KCNK2: variants seen among roughly 807,000 people sequenced by gnomAD.
KCNK2 encodes the protein potassium two pore domain channel subfamily K member 2, also known as potassium channel subfamily K member 2.
Under a neutral mutation model 40.5 loss-of-function variants are expected in KCNK2, and 21 were observed. That is an observed-to-expected ratio of 0.52 (90% CI 0.37 to 0.75). KCNK2 has a LOEUF of 0.75. KCNK2 is among the 30% of genes least tolerant of loss of function. KCNK2 has a pLI of 0.00. For synonymous variants in KCNK2, 191 were observed against 202.2 expected (o/e 0.94, Z 0.47); for missense variants, 399 against 531.6 (o/e 0.75, Z 2.45).
intron 1 of KCNK2, among the ~76,000 whole-genome samples, chr1:215,023,573 G>A (rs1298924386): frequency 1.3e-5 from 2 of 152,298 alleles, no homozygotes; most frequent in East Asian, 3.9e-4. Flanking sequence ...TAGTCAGTGA[G>A]CCCGACCATG....
intron 3 of KCNK2, among the ~76,000 whole-genome samples, chr1:215,168,285 AGACAGT>A (rs745316687): frequency 2.2e-4 from 34 of 152,346 alleles, no homozygotes; most frequent in Non-Finnish European, 3.5e-4. Flanking sequence ...CCTTTGTGGA[AGACAGT>A]GTGGTGATTC....
intron 3 of KCNK2, among the ~76,000 whole-genome samples, chr1:215,130,842 G>GT (rs201391246): frequency 3.7e-4 from 55 of 150,486 alleles, no homozygotes; most frequent in African/African-American, 8.2e-4. Flanking sequence ...TAATTTTTAA[G>GT]TTTTTTTTAT....
At chr1:215,175,534 C>T (rs938987427) in intron 5 of KCNK2, among the ~76,000 whole-genome samples, 2 of 151,504 alleles carry the variant, frequency 1.3e-5, no homozygotes, top group African/African-American at 4.9e-5. Flanking sequence ...GGTGTATGTG[C>T]AGGTTTGTTA....
chr1:215,223,976 G>T (rs545383453), intron 6 of KCNK2, among the ~76,000 whole-genome samples: 6 of 152,268 alleles, frequency 3.9e-5, no homozygotes, highest in African/African-American at 1.4e-4. Flanking sequence ...GCTTTGGATG[G>T]CTCTGAAAGT....
intron 6 of KCNK2, among the ~76,000 whole-genome samples, chr1:215,206,080 T>C (rs1054675067): frequency 1.3e-5 from 2 of 152,162 alleles, no homozygotes; most frequent in Non-Finnish European, 2.9e-5. Context: ...AAACCCTTCA[T>C]GGGCTGTAAA....
At chr1:215,069,647 C>G (rs1658679117) in intron 1 of KCNK2, among the ~76,000 whole-genome samples, 1 of 149,948 alleles carries the variant, frequency 6.7e-6, no homozygotes, top group South Asian at 2.1e-4. Flanking sequence ...TTTTTGGGGT[C>G]TCATTAACAA....
At position 215,235,338 on chromosome 1, in the gene KCNK2, T is replaced by G. The variant is rs1218578328; in HGVS notation, c.*193T>G. ...AGCACTTTCTTTCTGATGATGCTTG[T>G]TGAACGGTCCACTTTCTTTGATGAG... On this transcript the variant is annotated 3_prime_UTR_variant, in exon 7 of 7. Coordinates refer to ENST00000444842, the MANE Select transcript of KCNK2 (RefSeq NM_001017425.3). 1.9e-6 allele frequency: 1 copy of G among 536,956 alleles called. No individual in the cohort carries two copies. Among genetic ancestry groups the G allele is most frequent in the Non-Finnish European group, 3.3e-6 (1 of 302,954 alleles). The allele number at this position is 536,956 out of a possible 1,614,324, so 33.3% of individuals were successfully genotyped here. A position where few individuals can be genotyped will look rare whatever the true frequency, so the allele number is the denominator to read the frequency against.
At chr1:215,163,108 C>T (rs1401509021) in intron 3 of KCNK2, among the ~76,000 whole-genome samples, 1 of 152,022 alleles carries the variant, frequency 6.6e-6, no homozygotes, top group Non-Finnish European at 1.5e-5. Flanking sequence ...TTTCCTTGAG[C>T]AGTGGTTTGT....
intron 3 of KCNK2, among the ~76,000 whole-genome samples, chr1:215,163,886 G>C (rs934057389): frequency 6.6e-6 from 1 of 151,850 alleles, no homozygotes; most frequent in Admixed American, 6.6e-5. Flanking sequence ...TTTTTTTGGC[G>C]TTGTTGTGTC....
intron 2 of KCNK2, among the ~76,000 whole-genome samples, chr1:215,098,299 T>C (rs1186518250): frequency 6.6e-6 from 1 of 151,934 alleles, no homozygotes; most frequent in East Asian, 1.9e-4. Flanking sequence ...ATCTCCCTAG[T>C]GATATTGGCA....
intron 5 of KCNK2, among the ~76,000 whole-genome samples, chr1:215,187,781 G>A (rs1325562327): frequency 1.3e-5 from 2 of 150,396 alleles, no homozygotes; most frequent in African/African-American, 4.9e-5. Context: ...ATTCGAGGTT[G>A]CAGTGAACTA....
intron 5 of KCNK2, among the ~76,000 whole-genome samples, chr1:215,178,251 C>G (rs1664069374): frequency 6.6e-6 from 1 of 151,992 alleles, no homozygotes; most frequent in South Asian, 2.1e-4. Flanking sequence ...ATTACAGGAG[C>G]CTTTAGGCAG....
intron 3 of KCNK2, among the ~76,000 whole-genome samples, chr1:215,153,521 C>T (rs1281055722): frequency 2.0e-5 from 3 of 151,672 alleles, no homozygotes; most frequent in South Asian, 4.2e-4. Flanking sequence ...AATCATTAGG[C>T]CTTTGCATGC....
chr1:215,025,423 C>G (rs1311540345), intron 1 of KCNK2, among the ~76,000 whole-genome samples: 1 of 151,826 alleles, frequency 6.6e-6, no homozygotes, highest in African/African-American at 2.4e-5. Context: ...GTTCCCTATT[C>G]CCTGTCTTCA....
intron 5 of KCNK2, among the ~76,000 whole-genome samples, chr1:215,192,334 A>AT (rs959750228): frequency 2.6e-5 from 4 of 152,188 alleles, no homozygotes; most frequent in African/African-American, 9.6e-5. Context: ...AAGGAAAAGC[A>AT]TTTTTTTCCC....
chr1:215,186,192 T>C (rs1305560495), intron 5 of KCNK2, among the ~76,000 whole-genome samples: 1 of 152,158 alleles, frequency 6.6e-6, no homozygotes, highest in East Asian at 1.9e-4. Context: ...GAAGATCACT[T>C]GTGGCCAGAA....
intron 1 of KCNK2, among the ~76,000 whole-genome samples, chr1:215,028,884 G>T (rs1272018467): frequency 1.3e-5 from 2 of 151,592 alleles, no homozygotes. Context: ...CATATAAATT[G>T]AATAATTTAA....
In KCNK2 at chr1:215,083,194, T is replaced by TTCCCC; in HGVS notation, c.-192_-191insTCCCC. 6.0e-6 allele frequency: 3 copies of TTCCCC among 501,812 alleles called. No individual in the cohort carries two copies. Among genetic ancestry groups the TTCCCC allele is most frequent in the African/African-American group, 5.0e-5 (2 of 39,770 alleles). The allele number at this position is 501,812 out of a possible 1,614,324, so 31.1% of individuals were successfully genotyped here. A position where few individuals can be genotyped will look rare whatever the true frequency, so the allele number is the denominator to read the frequency against. ...CCCGCGATTTCGTTTCTTCTCACGC[T>TTCCCC]CCCCCCCCCGCCCCCTCCCGCGTCC... On this transcript the variant is annotated 5_prime_UTR_variant, in exon 1 of 7. Transcript: ENST00000444842.
chr1:215,172,282 T>C, intron 5 of KCNK2, 99 bp downstream of exon 5: 2 of 1,068,834 alleles, frequency 1.9e-6, no homozygotes. Flanking sequence ...TGTATGAGTT[T>C]TCTAGGGCTG....
Sources: gnomAD v4.1 joint callset for allele counts (sites outside exome capture counted in the v4.1 genomes callset) on GRCh38, gnomAD v4.1.1 for gene constraint, MANE v1.5 for transcripts, NCBI Gene and HGNC (gene_info 2026-07-23, HGNC 2026-07-21) for gene names.